Variants in NCK2 observed in about 807,000 individuals in gnomAD.
NCK2 encodes the protein cytoplasmic protein NCK2.
Under a neutral mutation model 33.9 loss-of-function variants are expected in NCK2, and 16 were observed. The ratio of observed to expected loss-of-function variants is 0.47; its 90% CI spans 0.32 to 0.72. The LOEUF is 0.72. Ranked by LOEUF, NCK2 falls within the 30% of genes least tolerant of loss-of-function variation. NCK2 has a pLI of 0.03. For synonymous variants in NCK2, 273 were observed against 239.9 expected (o/e 1.14, Z -1.27); for missense variants, 418 against 537.3 (o/e 0.78, Z 2.19).
At chr2:105,855,458 A>G (rs1211742099) in intron 3 of NCK2, 169 bp downstream of exon 3, 19 of 597,476 alleles carry the variant, frequency 3.2e-5, no homozygotes, top group East Asian at 1.2e-4. Flanking sequence ...ATGGAGAAAG[A>G]GGATGTTTTT....
intron 1 of NCK2, among the ~76,000 whole-genome samples, chr2:105,800,667 C>CGA (rs1457393854): frequency 3.3e-5 from 5 of 152,052 alleles, no homozygotes; most frequent in Admixed American, 3.3e-4. Flanking sequence ...ATAAATGGAC[C>CGA]GAGAGAGTGG....
chr2:105,804,700 T>C (rs1674965028), intron 1 of NCK2, among the ~76,000 whole-genome samples: 3 of 152,236 alleles, frequency 2.0e-5, no homozygotes, highest in South Asian at 4.1e-4. Flanking sequence ...ATTTATTGAA[T>C]GAAATACTCA....
At chr2:105,854,900 A>G in intron 2 of NCK2, 148 bp from the exon 3 acceptor site, 1 of 598,534 alleles carries the variant, frequency 1.7e-6, no homozygotes, top group Non-Finnish European at 3.0e-6. Context: ...AAAGAAGGTC[A>G]TTTTAAAGTT....
At chr2:105,812,942 G>A (rs1558849613) in intron 1 of NCK2, among the ~76,000 whole-genome samples, 1 of 152,080 alleles carries the variant, frequency 6.6e-6, no homozygotes, top group Non-Finnish European at 1.5e-5. Context: ...GCTGATTTGA[G>A]AGGTTGGAGC....
At chr2:105,871,955 G>A (rs3769498) in intron 3 of NCK2, among the ~76,000 whole-genome samples, 29,219 of 152,148 alleles carry the variant, frequency 0.19, 3,436 homozygotes, top group East Asian at 0.31. Context: ...GAGATTTCGT[G>A]CAAGGGAAAT....
intron 3 of NCK2, among the ~76,000 whole-genome samples, chr2:105,864,828 TACAC>T (rs10524426): frequency 0.11 from 16,377 of 144,138 alleles, 1,178 homozygotes; most frequent in African/African-American, 0.21. Context: ...CATGTGCATG[TACAC>T]ACACACACAC....
chr2:105,765,443 T>C (rs1488459733), intron 1 of NCK2, among the ~76,000 whole-genome samples: 1 of 152,202 alleles, frequency 6.6e-6, no homozygotes, highest in Non-Finnish European at 1.5e-5. Flanking sequence ...CCACGGCCAG[T>C]TCTTGGCTTT....
chr2:105,744,865 T>TCGTCGC (rs1689209583), upstream of NCK2: 1 of 153,764 alleles, frequency 6.5e-6, no homozygotes, highest in Non-Finnish European at 1.3e-5. Flanking sequence ...CGGGGGAGGG[T>TCGTCGC]CGCCGCCGCC....
At chr2:105,801,487 A>G (rs936806484) in intron 1 of NCK2, among the ~76,000 whole-genome samples, 1 of 152,070 alleles carries the variant, frequency 6.6e-6, no homozygotes, top group Non-Finnish European at 1.5e-5. Flanking sequence ...ATAAGAAGAA[A>G]GACTGAGGGA....
intron 2 of NCK2, among the ~76,000 whole-genome samples, chr2:105,845,160 A>G (rs1676808772): frequency 6.6e-6 from 1 of 152,186 alleles, no homozygotes; most frequent in Admixed American, 6.5e-5. Context: ...CATAAACCAT[A>G]TAAATCTGCA....
chr2:105,800,744 G>GTGTTT (rs1386640963), intron 1 of NCK2, among the ~76,000 whole-genome samples: 2 of 152,158 alleles, frequency 1.3e-5, no homozygotes, highest in Admixed American at 1.3e-4. Context: ...ATGAACGTCT[G>GTGTTT]TGTTTTGTTT....
At chr2:105,845,534 CA>C (rs1279056408) in intron 2 of NCK2, among the ~76,000 whole-genome samples, 1 of 151,882 alleles carries the variant, frequency 6.6e-6, no homozygotes, top group Non-Finnish European at 1.5e-5. Flanking sequence ...GCTGAAATTA[CA>C]GGCATGTACC....
intron 1 of NCK2, among the ~76,000 whole-genome samples, chr2:105,788,851 G>A (rs1690774752): frequency 6.6e-6 from 1 of 152,128 alleles, no homozygotes; most frequent in Non-Finnish European, 1.5e-5. Context: ...TAATTCTGTT[G>A]TGTTTTGACA....
chr2:105,820,354 G>T (rs1379317825), intron 2 of NCK2, among the ~76,000 whole-genome samples: 1 of 152,226 alleles, frequency 6.6e-6, no homozygotes, highest in Non-Finnish European at 1.5e-5. Flanking sequence ...TGGCCTGGTA[G>T]AACAGTAAGC....
At chr2:105,885,247 A>G (rs149641907) in intron 4 of NCK2, among the ~76,000 whole-genome samples, 1 of 152,206 alleles carries the variant, frequency 6.6e-6, no homozygotes, top group Non-Finnish European at 1.5e-5. Flanking sequence ...CGAAGATATC[A>G]TGTATTTATT....
At chr2:105,838,758 G>A (rs1314943735) in intron 2 of NCK2, among the ~76,000 whole-genome samples, 1 of 152,118 alleles carries the variant, frequency 6.6e-6, no homozygotes, top group Non-Finnish European at 1.5e-5. Context: ...ACTGATGGAG[G>A]CCGACCGTAG....
intron 1 of NCK2, among the ~76,000 whole-genome samples, chr2:105,803,067 T>G (rs1227630450): frequency 6.6e-6 from 1 of 152,184 alleles, no homozygotes; most frequent in Non-Finnish European, 1.5e-5. Context: ...TTCAAATTGA[T>G]GGTTTTCCTT....
intron 1 of NCK2, among the ~76,000 whole-genome samples, chr2:105,752,558 A>T (rs1031667953): frequency 4.1e-4 from 63 of 152,336 alleles, no homozygotes; most frequent in African/African-American, 1.4e-3. Context: ...ACAACATTGT[A>T]TACAGTGATG....
At chr2:105,785,965 C>G (rs1396290742) in intron 1 of NCK2, among the ~76,000 whole-genome samples, 1 of 152,148 alleles carries the variant, frequency 6.6e-6, no homozygotes, top group African/African-American at 2.4e-5. Flanking sequence ...GACTTAATAC[C>G]TTTTGCCTGT....
Sources: gnomAD v4.1 joint callset for allele counts (sites outside exome capture counted in the v4.1 genomes callset) on GRCh38, gnomAD v4.1.1 for gene constraint, MANE v1.5 for transcripts, NCBI Gene and HGNC (gene_info 2026-07-23, HGNC 2026-07-21) for gene names.